BRD1: variants seen among roughly 807,000 people sequenced by gnomAD.
The protein encoded by BRD1 is bromodomain-containing protein 1.
Under a neutral mutation model 107.7 loss-of-function variants are expected in BRD1, and 24 were observed. The observed-to-expected ratio is 0.22, with a 90% confidence interval of 0.16 to 0.31. The LOEUF (loss-of-function observed/expected upper bound fraction) is 0.31. BRD1 is among the 10% of genes least tolerant of loss of function. The pLI, the probability that BRD1 is intolerant of heterozygous loss-of-function variation, is 1.00. For missense variants in BRD1, 1,279 were observed against 1,638.6 expected (o/e 0.78, Z 3.79); for synonymous variants, 744 against 686.1 (o/e 1.08, Z -1.32).
At chr22:49,801,265 G>A (rs1263672245) in intron 3 of BRD1, among the ~76,000 whole-genome samples, 1 of 152,186 alleles carries the variant, frequency 6.6e-6, no homozygotes. Context: ...TTCTCCCTGC[G>A]GCCTTCAACG....
intron 3 of BRD1, 49 bp downstream of exon 3, chr22:49,804,155 G>A: frequency 6.7e-7 from 1 of 1,500,192 alleles, no homozygotes; most frequent in Non-Finnish European, 8.9e-7. Context: ...CTCCCTGGAG[G>A]GTGGGGGTGA....
chr22:49,776,168 A>C lies in BRD1; in HGVS notation c.3122-9T>G, dbSNP rs2059094677. 3 of 1,601,344 alleles carry C rather than the reference A, an allele frequency of 1.9e-6. No individual in the cohort carries two copies. Among genetic ancestry groups the C allele is most frequent in the Admixed American group, 3.3e-5 (2 of 59,912 alleles). The stretch of plus-strand genomic sequence containing the variant: ...GCTGCTCTGGCCGACTTCTGCGGAG[A>C]GGGGCGTCAGCAGGACACAGGCGTC... On this transcript the variant is annotated splice_polypyrimidine_tract_variant and intron_variant, in intron 10 of 12. Coordinates refer to ENST00000404760, the MANE Select transcript of BRD1 (RefSeq NM_001304808.3).
At chr22:49,818,994 A>T (rs1256222580) in intron 2 of BRD1, among the ~76,000 whole-genome samples, 1 of 152,112 alleles carries the variant, frequency 6.6e-6, no homozygotes, top group Non-Finnish European at 1.5e-5. Context: ...GCGGTGGTTC[A>T]CGCCTGTAAT....
In BRD1 at chr22:49,826,334, T is replaced by C. The variant is rs533078645; in HGVS notation, c.-15+1163A>G. 15 of 875,946 alleles carry C rather than the reference T, an allele frequency of 1.7e-5. No homozygotes were observed. In the South Asian group the frequency reaches 6.3e-4, roughly 37 times the overall value. 54.3% of individuals were successfully genotyped at this position (875,946 alleles called of 1,614,324 possible). A position where few individuals can be genotyped will look rare whatever the true frequency, so the allele number is the denominator to read the frequency against. ...CCACAGCAGCTCCATACCCTCAACA[T>C]GCAACTGGGACCCGGGGAAAGTAGG... On this transcript the variant is annotated intron_variant, in intron 1 of 12. Coordinates refer to ENST00000404760, the MANE Select transcript of BRD1 (RefSeq NM_001304808.3).
At chr22:49,775,352 G>A in intron 12 of BRD1, 1 of 341,168 alleles carries the variant, frequency 2.9e-6, no homozygotes, top group Non-Finnish European at 5.3e-6. Flanking sequence ...AGGCGAGAGG[G>A]AGAGGAAGCC....
At chr22:49,776,884 G>A (rs988764678) in intron 10 of BRD1, 150 bp downstream of exon 10, 1 of 1,158,166 alleles carries the variant, frequency 8.6e-7, no homozygotes, top group Non-Finnish European at 1.2e-6. Context: ...CCCTCGGTGT[G>A]TGATGAACCC....
chr22:49,795,113 G>A (rs2059506270), intron 6 of BRD1, among the ~76,000 whole-genome samples: 1 of 152,172 alleles, frequency 6.6e-6, no homozygotes, highest in Non-Finnish European at 1.5e-5. Flanking sequence ...AAGTAGTAGA[G>A]AGAAACAAAT....
chr22:49,774,836 A>C (rs2059049748), intron 12 of BRD1, among the ~76,000 whole-genome samples: 1 of 152,260 alleles, frequency 6.6e-6, no homozygotes, highest in Admixed American at 6.5e-5. Flanking sequence ...CCACGTGGCC[A>C]AAGAGGCAGA....
intron 11 of BRD1, 113 bp downstream of exon 11, chr22:49,775,937 C>G: frequency 5.7e-6 from 6 of 1,044,294 alleles, no homozygotes; most frequent in African/African-American, 3.2e-5. Context: ...CCCGCCCCCC[C>G]GCCAGCTGTG....
intron 2 of BRD1, among the ~76,000 whole-genome samples, chr22:49,808,845 G>A (rs962723755): frequency 7.2e-5 from 11 of 152,202 alleles, no homozygotes; most frequent in South Asian, 2.1e-4. Context: ...TGAGCCGGGC[G>A]CAGTGGCTTC....
chr22:49,809,817 G>A (rs1028363607), intron 2 of BRD1, among the ~76,000 whole-genome samples: 3 of 152,104 alleles, frequency 2.0e-5, no homozygotes, highest in African/African-American at 7.2e-5. Context: ...AAAACCTCCA[G>A]GAGCTACAAT....
At chr22:49,812,942 G>A (rs1456223915) in intron 2 of BRD1, among the ~76,000 whole-genome samples, 3 of 152,162 alleles carry the variant, frequency 2.0e-5, no homozygotes, top group African/African-American at 4.8e-5. Context: ...CCTCCCAACC[G>A]CAGACTGAGG....
In BRD1 at chr22:49,827,754, C is replaced by T. The variant is rs1367315428; in HGVS notation, c.-272G>A. On this transcript the variant is annotated 5_prime_UTR_variant, in exon 1 of 13. Transcript: ENST00000404760. ...AGCTGGAGGCCCGGCTCGGGGGGCC[C>T]GGCCGGCGGGCGCGGGCGCGGGCGC... is the stretch of plus-strand genomic sequence containing the variant. Among the ~76,000 whole-genome samples the T allele has an allele frequency of 2.1e-5, 3 of 142,932 alleles. No individual in the cohort carries two copies. In the South Asian group the frequency reaches 6.4e-4, roughly 31 times the overall value. The allele number at this position is 142,932 out of a possible 152,430, so 93.8% of individuals were successfully genotyped here.
Position 49,823,925 on chromosome 22 carries a change from G to T in BRD1, c.393C>A (p.Ser131=), listed in dbSNP as rs150368687. ...KVRIVEYSPP[S]APRRPPVYYK... is the part of the protein sequence containing the mutation. ...AGTACACAGGAGGCCTCCTGGGGGC[G>T]GACGGAGGGCTGTACTCCACGATGC... is the stretch of plus-strand genomic sequence containing the variant. The change falls in exon 2 of 13, where the codon TCC becomes TCA. Residue 131 remains serine (S), a synonymous_variant. Coordinates refer to ENST00000404760, the MANE Select transcript of BRD1 (RefSeq NM_001304808.3). 1 of 1,614,204 alleles carries T rather than the reference G, an allele frequency of 6.2e-7. No individual in the cohort carries two copies. Among genetic ancestry groups the T allele is most frequent in the Non-Finnish European group, 8.5e-7 (1 of 1,180,048 alleles).
At chr22:49,778,341 G>A (rs1011685197) in intron 8 of BRD1, among the ~76,000 whole-genome samples, 8 of 152,234 alleles carry the variant, frequency 5.3e-5, no homozygotes, top group Non-Finnish European at 1.0e-4. Context: ...GTGTTAACAT[G>A]AAGTCAAAAA....
intron 3 of BRD1, among the ~76,000 whole-genome samples, chr22:49,800,378 T>C (rs2059618815): frequency 6.6e-6 from 1 of 151,904 alleles, no homozygotes; most frequent in African/African-American, 2.4e-5. Flanking sequence ...AGGCAGGAAA[T>C]CGGGGCTAAG....
intron 8 of BRD1, among the ~76,000 whole-genome samples, chr22:49,781,866 T>TC (rs1433293810): frequency 6.6e-6 from 1 of 152,292 alleles, no homozygotes; most frequent in Non-Finnish European, 1.5e-5. Context: ...AGCACCCTGC[T>TC]CTTGCTGGGA....
intron 8 of BRD1, among the ~76,000 whole-genome samples, chr22:49,779,894 G>A (rs2059172417): frequency 6.6e-6 from 1 of 152,082 alleles, no homozygotes; most frequent in East Asian, 1.9e-4. Context: ...CCCGGAGAGG[G>A]GTCTGCCAAC....
chr22:49,775,787 C>A lies in BRD1; in HGVS notation c.3232-42G>T, dbSNP rs775621415. On this transcript the variant is annotated intron_variant, in intron 11 of 12. Transcript: ENST00000404760. ...CGCTGAGGTCATTGTGAGGCTCACA[C>A]CCATAAACAACCCCACCTGTCACTG... The A allele has an allele frequency of 1.9e-6, 3 of 1,586,406 alleles. No individual in the cohort carries two copies. In the Admixed American group the frequency reaches 5.1e-5, roughly 27 times the overall value.
Sources: gnomAD v4.1 joint callset for allele counts (sites outside exome capture counted in the v4.1 genomes callset) on GRCh38, gnomAD v4.1.1 for gene constraint, MANE v1.5 for transcripts, NCBI Gene and HGNC (gene_info 2026-07-23, HGNC 2026-07-21) for gene names.